Variants in NBAS observed in about 807,000 individuals in gnomAD.
NBAS encodes the protein NBAS subunit of NRZ tethering complex, also known as NAG/BC035112 fusion.
A neutral mutation model predicts 302.5 loss-of-function variants in NBAS; 219 were observed. The observed-to-expected ratio is 0.72, with a 90% confidence interval of 0.65 to 0.81. The LOEUF is 0.81. Ranked by LOEUF, NBAS falls within the 30% of genes least tolerant of loss-of-function variation. NBAS has a pLI of 0.00. For synonymous variants in NBAS, 1,118 were observed against 1,021.6 expected (o/e 1.09, Z -1.80); for missense variants, 2,932 against 2,841.6 (o/e 1.03, Z -0.72).
intron 6 of NBAS, among the ~76,000 whole-genome samples, chr2:15,539,969 A>G (rs764563403): frequency 1.8e-4 from 27 of 152,198 alleles, no homozygotes; most frequent in Non-Finnish European, 3.5e-4. Context: ...TCAACAACTT[A>G]ATAATTCTAA....
chr2:15,417,622 T>C lies in NBAS; in HGVS notation c.2668A>G (p.Thr890Ala). The C allele has an allele frequency of 6.2e-7, 1 of 1,614,002 alleles. No homozygotes were observed. The highest frequency in any genetic ancestry group is 8.5e-7 in the Non-Finnish European group (1 of 1,179,942). ...VLCDNLVTLE[T>A]LVYEARCDVT... ...TCACACCTGGCTTCATAAACCAATGTTTCCAGAGTAACCAAATTGTCACAG... is the reference window on the plus strand; with the variant it reads ...TCACACCTGGCTTCATAAACCAATGCTTCCAGAGTAACCAAATTGTCACAG... The change falls in exon 24 of 52, where the codon ACA (threonine) becomes GCA (alanine). Residue 890 changes from threonine to alanine, a missense_variant. By Grantham distance (58) the Thr-to-Ala change is moderately conservative. Coordinates refer to ENST00000281513, the MANE Select transcript of NBAS (RefSeq NM_015909.4).
chr2:14,977,545 C>G, the NBAS span, among the ~76,000 whole-genome samples: 5 of 152,220 alleles, frequency 3.3e-5, no homozygotes, highest in African/African-American at 9.7e-5. Flanking sequence ...TAATTTTCTT[C>G]TGAACTGTAC....
Position 15,378,098 on chromosome 2 carries a change from T to C in NBAS, c.3590+1504A>G, listed in dbSNP as rs543341196. On this transcript the variant is annotated intron_variant, in intron 30 of 51. Coordinates refer to ENST00000281513, the MANE Select transcript of NBAS (RefSeq NM_015909.4). Reference sequence around the variant, plus strand: ...ATAGCCACCTTATTACTGAAGAGATTCTACCTTTCTTCAGTTTATTTGATC... The same window carrying C: ...ATAGCCACCTTATTACTGAAGAGATCCTACCTTTCTTCAGTTTATTTGATC... 5.9e-5 allele frequency among the ~76,000 whole-genome samples: 9 copies of C among 152,312 alleles called. No homozygotes were observed. In the South Asian group the frequency reaches 1.9e-3, roughly 32 times the overall value.
In NBAS at chr2:15,477,985, C is replaced by T. The variant is rs545496677; in HGVS notation, c.1147+241G>A. ...CCAAGGGCATCTGAAAAGGAGCACG[C>T]TTCTAAGCATTGAACTCAGTGTACC... is the stretch of plus-strand genomic sequence containing the variant. On this transcript the variant is annotated intron_variant, in intron 13 of 51. Coordinates refer to ENST00000281513, the MANE Select transcript of NBAS (RefSeq NM_015909.4). Among the ~76,000 whole-genome samples, 53 of 152,322 alleles carry T rather than the reference C, an allele frequency of 3.5e-4. No individual in the cohort carries two copies. In the South Asian group the frequency reaches 0.011, roughly 32 times the overall value.
rs985979490 is a variant in NBAS, at chr2:15,380,632, A to G, written c.3361-801T>C. 3.3e-5 allele frequency among the ~76,000 whole-genome samples: 5 copies of G among 150,860 alleles called. No individual in the cohort carries two copies. The South Asian group carries it at 1.0e-3, about 32-fold the overall frequency. On this transcript the variant is annotated intron_variant, in intron 29 of 51. Coordinates refer to ENST00000281513, the MANE Select transcript of NBAS (RefSeq NM_015909.4). ...CATTGTACTCTACTAGACAACTAAC[A>G]ACATCAATTAACATAAAATTACTTC...
At chr2:15,399,005 G>C (rs1676013297) in intron 26 of NBAS, among the ~76,000 whole-genome samples, 1 of 152,050 alleles carries the variant, frequency 6.6e-6, no homozygotes, top group African/African-American at 2.4e-5. Flanking sequence ...AACAAATATG[G>C]TAATCCCCTA....
Position 15,427,734 on chromosome 2 carries a change from A to G in NBAS, c.2400T>C (p.Asp800=), listed in dbSNP as rs749737573. Residue 800 remains aspartate, a synonymous_variant, in exon 22 of 52, where the codon GAT becomes GAC. Transcript: ENST00000281513. ...ACCTGCAAGCCAACTCCTCGCACCA[A>G]TCTTTAGCTCGGTGTTTATGTTCAT... is the stretch of plus-strand genomic sequence containing the variant. ...PWHEHKHRAK[D]WCEELACRMV... is the part of the protein sequence containing the mutation. 2 of 1,613,368 alleles carry G rather than the reference A, an allele frequency of 1.2e-6. No individual in the cohort carries two copies. The highest frequency in any genetic ancestry group is 1.7e-4 in the Middle Eastern group (1 of 6,060).
At chr2:15,415,101 T>C (rs1177518558) in intron 25 of NBAS, among the ~76,000 whole-genome samples, 1 of 152,224 alleles carries the variant, frequency 6.6e-6, no homozygotes, top group African/African-American at 2.4e-5. Flanking sequence ...TAGAATACTA[T>C]GTTTTAATCC....
At chr2:15,292,953 C>G (rs575167180) in intron 40 of NBAS, among the ~76,000 whole-genome samples, 187 bp from the exon 41 acceptor site, 1 of 152,220 alleles carries the variant, frequency 6.6e-6, no homozygotes, top group East Asian at 1.9e-4. Context: ...GTTAGCAGAC[C>G]ACAAAGACAG....
At chr2:15,267,179 A>G (rs571371979) in intron 44 of NBAS, among the ~76,000 whole-genome samples, 221 of 152,356 alleles carry the variant, frequency 1.5e-3, no homozygotes, top group Non-Finnish European at 5.6e-4. Context: ...AGTTCATTCA[A>G]TATGCATGCA....
intron 25 of NBAS, 150 bp from the exon 26 acceptor site, chr2:15,402,451 C>T (rs1676201744): frequency 1.3e-6 from 1 of 758,770 alleles, no homozygotes; most frequent in Non-Finnish European, 2.2e-6. Flanking sequence ...TTTCTGGGGT[C>T]TTTAATAATT....
intron 40 of NBAS, among the ~76,000 whole-genome samples, chr2:15,298,622 A>C (rs906691455): frequency 1.3e-5 from 2 of 152,250 alleles, no homozygotes; most frequent in East Asian, 3.9e-4. Flanking sequence ...ACTGGTTATG[A>C]TTACTTCCGA....
At chr2:15,252,717 A>C (rs1370667195) in intron 44 of NBAS, among the ~76,000 whole-genome samples, 2 of 152,116 alleles carry the variant, frequency 1.3e-5, no homozygotes, top group Non-Finnish European at 2.9e-5. Flanking sequence ...TTCCATTTAC[A>C]AACTCACCCT....
the NBAS span, among the ~76,000 whole-genome samples, chr2:15,026,175 G>GCATCTATTGAGATAATCATGTGGTTTTT: frequency 2.5e-3 from 201 of 80,324 alleles, 42 homozygotes; most frequent in East Asian, 6.8e-3. Context: ...AGTCTTTTCT[G>GCATCTATTGAGATAATCATGTGGTTTTT]GCCGGGCACG....
intron 9 of NBAS, among the ~76,000 whole-genome samples, chr2:15,528,185 C>T (rs1438970540): frequency 6.6e-6 from 1 of 151,848 alleles, no homozygotes. Flanking sequence ...GAATGTCCAT[C>T]ATATCCGGAT....
chr2:15,167,336 A>G lies in NBAS; in HGVS notation c.6841-13T>C, dbSNP rs1460276464. 6.2e-7 allele frequency: 1 copy of G among 1,614,124 alleles called. No homozygotes were observed. The highest frequency in any genetic ancestry group is 1.7e-5 in the Admixed American group (1 of 60,028). On this transcript the variant is annotated splice_polypyrimidine_tract_variant and intron_variant, in intron 51 of 51. Transcript: ENST00000281513. ...TGGAATCATTCACCTTCAAGAAATA[A>G]GACAGGCACAGCGTGAGGGGGTGTT...
intron 41 of NBAS, among the ~76,000 whole-genome samples, chr2:15,289,207 G>A (rs1670191949): frequency 6.6e-6 from 1 of 152,054 alleles, no homozygotes; most frequent in African/African-American, 2.4e-5. Flanking sequence ...ACCCACCTCA[G>A]CCTCCAGAGT....
chr2:15,381,791 A>C (rs1197267632), intron 29 of NBAS, among the ~76,000 whole-genome samples: 1 of 152,204 alleles, frequency 6.6e-6, no homozygotes, highest in Non-Finnish European at 1.5e-5. Context: ...TAAAAACATT[A>C]GTTATTCATG....
At chr2:14,792,609 G>C in the NBAS span, among the ~76,000 whole-genome samples, 1 of 151,866 alleles carries the variant, frequency 6.6e-6, no homozygotes, top group Non-Finnish European at 1.5e-5. Context: ...ACGGTAATTT[G>C]GGGACAAAAT....
Sources: gnomAD v4.1 joint callset for allele counts (sites outside exome capture counted in the v4.1 genomes callset) on GRCh38, gnomAD v4.1.1 for gene constraint, MANE v1.5 for transcripts, NCBI Gene and HGNC (gene_info 2026-07-23, HGNC 2026-07-21) for gene names.